The following FKBP15 variants were observed in gnomAD, a reference collection of about 807,000 sequenced individuals.
FKBP15 encodes the protein FK506-binding protein 15.
In FKBP15, 106 loss-of-function variants were observed where a neutral mutation model predicts 158.1. That is an observed-to-expected ratio of 0.67 (90% confidence interval 0.57 to 0.79). The LOEUF is 0.79. Among genes scored for constraint, FKBP15 ranks in the 30% least tolerant of loss-of-function variants. The pLI, the probability that FKBP15 is intolerant of heterozygous loss-of-function variation, is 0.00. For synonymous variants in FKBP15, 547 were observed against 548.6 expected, an observed-to-expected ratio of 1.00 and a Z score of 0.04; for missense variants, 1,287 against 1,479.1, an observed-to-expected ratio of 0.87 and a Z score of 2.13.
At chr9:113,211,385 C>T (rs1830999815) in intron 2 of FKBP15, 92 bp downstream of exon 2, 3 of 951,770 alleles carry the variant, frequency 3.2e-6, no homozygotes, top group South Asian at 3.4e-5. Flanking sequence ...TCTCAAACTC[C>T]TGACCTCAGG....
rs3840999 is a variant in FKBP15 at position 113,164,096 on chromosome 9, AAAAC to A, written c.*1978_*1981del. On this transcript the variant is annotated 3_prime_UTR_variant, in exon 28 of 28. Transcript: ENST00000238256. Reference sequence around the variant, plus strand: ...AGATGGTTGTAAGCTTTGGGAATTAAAAACAAACAAATACATTTTAGTAAATATA... The same window carrying A: ...AGATGGTTGTAAGCTTTGGGAATTAAAAACAAATACATTTTAGTAAATATA... 48,617 of 152,288 alleles carry A rather than the reference AAAAC, an allele frequency of 0.32. 7,909 individuals carry two copies. Among genetic ancestry groups the A allele is most frequent in the Non-Finnish European group, 0.34 (23,155 of 67,884 alleles). The allele number at this position is 152,288 out of a possible 1,614,324, so 9.4% of individuals were successfully genotyped here. A position where few individuals can be genotyped will look rare whatever the true frequency, so the allele number is the denominator to read the frequency against.
intron 9 of FKBP15, among the ~76,000 whole-genome samples, chr9:113,196,494 C>T (rs554709380): frequency 1.3e-5 from 2 of 151,666 alleles, no homozygotes; most frequent in South Asian, 4.2e-4. Context: ...ATCAATTCTC[C>T]TGCCTCAGCC....
At chr9:113,168,633 C>T (rs576297117) in intron 26 of FKBP15, 77 bp from the exon 27 acceptor site, 34 of 1,268,446 alleles carry the variant, frequency 2.7e-5, no homozygotes, top group African/African-American at 5.9e-5. Context: ...CAAGGGTCAC[C>T]GGCCCTTGGG....
rs556778052 is a variant in FKBP15, at chr9:113,168,302, C to T, written c.3582+158G>A. 1.2e-4 allele frequency among the ~76,000 whole-genome samples: 19 copies of T among 152,258 alleles called. No individual in the cohort carries two copies. In the East Asian group the frequency reaches 2.9e-3, roughly 23 times the overall value. The stretch of plus-strand genomic sequence containing the variant: ...GTCCCCTACTCTGCTTACAGAGCTG[C>T]GCCCTCCCAGCCCAGCCCCAAGCCT... On this transcript the variant is annotated intron_variant, in intron 27 of 27. Coordinates refer to ENST00000238256, the MANE Select transcript of FKBP15 (RefSeq NM_015258.2).
chr9:113,186,081 C>T (rs1003007818), intron 15 of FKBP15, among the ~76,000 whole-genome samples, 168 bp downstream of exon 15: 2 of 152,158 alleles, frequency 1.3e-5, no homozygotes, highest in African/African-American at 4.8e-5. Flanking sequence ...TTGAATTGCA[C>T]ATTTAAAATG....
chr9:113,211,598 A>G lies in FKBP15; in HGVS notation c.54-6T>C. The stretch of plus-strand genomic sequence containing the variant: ...AAAGTGAGGCCAATCTGGCACTGTT[A>G]GTAGAAAATGAAAAATGAAATTTCA... On this transcript the variant is annotated splice_polypyrimidine_tract_variant and splice_region_variant and intron_variant, in intron 1 of 27. Coordinates refer to ENST00000238256, the MANE Select transcript of FKBP15 (RefSeq NM_015258.2). The G allele has an allele frequency of 6.3e-7, 1 of 1,577,538 alleles. No homozygotes were observed. Among genetic ancestry groups the G allele is most frequent in the South Asian group, 1.2e-5 (1 of 86,248 alleles).
rs897554506 is a variant in FKBP15, at chr9:113,204,756, C to T, written c.325-1721G>A. Among the ~76,000 whole-genome samples the T allele has an allele frequency of 7.2e-5, 11 of 152,186 alleles. No individual in the cohort carries two copies. In the East Asian group the frequency reaches 2.1e-3, roughly 29 times the overall value. On this transcript the variant is annotated intron_variant, in intron 4 of 27. Transcript: ENST00000238256. ...TGCTGTATTCTGACTCTGTTAAACC[C>T]ATCCAATATGTTCTTAGTTTCAGAA...
chr9:113,217,691 A>T (rs1343163763), intron 1 of FKBP15, among the ~76,000 whole-genome samples: 1 of 152,080 alleles, frequency 6.6e-6, no homozygotes, highest in Non-Finnish European at 1.5e-5. Flanking sequence ...AAAATTAAAA[A>T]TTAGCCAGGC....
At chr9:113,208,604 T>A (rs1303143734) in intron 2 of FKBP15, among the ~76,000 whole-genome samples, 1 of 152,184 alleles carries the variant, frequency 6.6e-6, no homozygotes, top group African/African-American at 2.4e-5. Flanking sequence ...TAAATTAAAA[T>A]GCAACATTTT....
intron 26 of FKBP15, 131 bp from the exon 27 acceptor site, chr9:113,168,687 C>T (rs1343428053): frequency 1.3e-6 from 1 of 743,424 alleles, no homozygotes; most frequent in African/African-American, 1.7e-5. Flanking sequence ...ATTCCTCCCA[C>T]CTCCGCTGCC....
chr9:113,210,268 T>G (rs1830974325), intron 2 of FKBP15, among the ~76,000 whole-genome samples: 1 of 151,734 alleles, frequency 6.6e-6, no homozygotes, highest in Non-Finnish European at 1.5e-5. Flanking sequence ...CATGTCACTT[T>G]TGGAAGGCTG....
intron 1 of FKBP15, among the ~76,000 whole-genome samples, chr9:113,213,715 A>C (rs1437077372): frequency 6.6e-6 from 1 of 152,176 alleles, no homozygotes; most frequent in East Asian, 1.9e-4. Flanking sequence ...AGGACCCTGC[A>C]GAGAGTTCCT....
At position 113,184,269 on chromosome 9, in the gene FKBP15, G is replaced by A. The variant is rs775409106; in HGVS notation, c.1716+23C>T. On this transcript the variant is annotated intron_variant, in intron 17 of 27. Transcript: ENST00000238256. The surrounding 1 kb of genome is among the most constrained non-coding windows in gnomAD (Gnocchi z 4.5). ...GATGGGTAAGACCTTCAGCCTGAGT[G>A]GTATGTTCTTAATCACCCTCACCTG... 4 of 1,515,848 alleles carry A rather than the reference G, an allele frequency of 2.6e-6. No individual in the cohort carries two copies. Among genetic ancestry groups the A allele is most frequent in the Non-Finnish European group, 3.6e-6 (4 of 1,105,880 alleles). 93.9% of individuals were successfully genotyped at this position (1,515,848 alleles called of 1,614,324 possible). A position where few individuals can be genotyped will look rare whatever the true frequency, so the allele number is the denominator to read the frequency against.
rs1228023906 is a variant in FKBP15, at chr9:113,210,356, C to CG, written c.169+1120dup. On this transcript the variant is annotated intron_variant, in intron 2 of 27. Transcript: ENST00000238256. ...GCTTTTTTTTTTTTTTTTTTTGAGA[C>CG]GGAGTCTTGCTCTGTTGCCAGGCTG... 5.6e-4 allele frequency among the ~76,000 whole-genome samples: 39 copies of CG among 69,436 alleles called. No individual in the cohort carries two copies. In the South Asian group the frequency reaches 0.013, roughly 22 times the overall value. 45.6% of individuals were successfully genotyped at this position (69,436 alleles called of 152,430 possible). A position where few individuals can be genotyped will look rare whatever the true frequency, so the allele number is the denominator to read the frequency against.
intron 4 of FKBP15, among the ~76,000 whole-genome samples, chr9:113,204,614 G>A (rs568104640): frequency 4.6e-5 from 7 of 152,194 alleles, no homozygotes; most frequent in South Asian, 4.1e-4. Context: ...TTACATGGAC[G>A]TTAGACCATG....
intron 27 of FKBP15, among the ~76,000 whole-genome samples, chr9:113,167,340 TA>T (rs199887644): frequency 0.018 from 2,706 of 152,304 alleles, 87 homozygotes; most frequent in African/African-American, 0.062. Flanking sequence ...GTATTGGTAC[TA>T]ATACCAATAA....
chr9:113,212,419 C>T (rs1272498443), intron 1 of FKBP15, among the ~76,000 whole-genome samples: 1 of 152,102 alleles, frequency 6.6e-6, no homozygotes, highest in Non-Finnish European at 1.5e-5. Context: ...GAACTCCTGA[C>T]CTCAAGTGAT....
At chr9:113,211,684 A>G in intron 1 of FKBP15, 92 bp from the exon 2 acceptor site, 1 of 783,514 alleles carries the variant, frequency 1.3e-6, no homozygotes, top group Non-Finnish European at 2.1e-6. Context: ...TTGAACAAAT[A>G]CCTCCTTGAC....
chr9:113,182,256 C>T (rs1028704287), intron 19 of FKBP15, among the ~76,000 whole-genome samples: 2 of 152,174 alleles, frequency 1.3e-5, no homozygotes, highest in African/African-American at 4.8e-5. Context: ...TAAAGAACGT[C>T]ACTGGAGCAA....
Sources: gnomAD v4.1 joint callset for allele counts (sites outside exome capture counted in the v4.1 genomes callset) on GRCh38, gnomAD v4.1.1 for gene constraint, Gnocchi (gnomAD v3.1) non-coding constraint, MANE v1.5 for transcripts, NCBI Gene and HGNC (gene_info 2026-07-23, HGNC 2026-07-21) for gene names.